SSH2: variants seen among roughly 807,000 people sequenced by gnomAD.
SSH2 encodes slingshot protein phosphatase 2.
A neutral mutation model predicts 135.2 loss-of-function variants in SSH2; 37 were observed. The ratio of observed to expected loss-of-function variants is 0.27; its 90% CI spans 0.21 to 0.36. The LOEUF (loss-of-function observed/expected upper bound fraction) is 0.36, where lower values mean the gene tolerates loss of function less well. Among genes scored for constraint, SSH2 ranks in the 10% least tolerant of loss-of-function variants. The probability of loss-of-function intolerance (pLI) is 1.00; values close to 1 mark genes in which losing one functional copy is unlikely to be tolerated. For missense variants in SSH2, 1,408 were observed against 1,765.3 expected (o/e 0.80, Z 3.63); for synonymous variants, 628 against 646.2 (o/e 0.97, Z 0.43).
At chr17:29,660,718 G>C (rs73280632) in intron 11 of SSH2, among the ~76,000 whole-genome samples, 2,243 of 152,066 alleles carry the variant, frequency 0.015, 59 homozygotes, top group African/African-American at 0.05. Flanking sequence ...TGCAGACTCT[G>C]TCCTTTCTCC....
chr17:29,806,962 C>T (rs145910485), intron 2 of SSH2, among the ~76,000 whole-genome samples: 35 of 152,298 alleles, frequency 2.3e-4, no homozygotes, highest in African/African-American at 8.2e-4. Flanking sequence ...CACGCTTCCA[C>T]AAGAAACTTA....
chr17:29,811,142 C>T (rs1248573865), intron 2 of SSH2, among the ~76,000 whole-genome samples: 2 of 151,934 alleles, frequency 1.3e-5, no homozygotes, highest in Non-Finnish European at 1.5e-5. Flanking sequence ...ACTACAGGTG[C>T]GCACCACCAC....
chr17:29,782,914 T>A (rs1351744009), intron 3 of SSH2, among the ~76,000 whole-genome samples: 1 of 152,100 alleles, frequency 6.6e-6, no homozygotes, highest in Non-Finnish European at 1.5e-5. Flanking sequence ...AGAGACAGGG[T>A]TTCACCATGT....
intron 2 of SSH2, among the ~76,000 whole-genome samples, chr17:29,828,340 T>G (rs1453481599): frequency 6.6e-6 from 1 of 152,234 alleles, no homozygotes; most frequent in Admixed American, 6.5e-5. Context: ...AAAGACTTTC[T>G]CAGCAGGGTC....
Position 29,631,825 on chromosome 17 carries a change from G to A in SSH2, c.3369C>T (p.Ile1123=), listed in dbSNP as rs976371104. Residue 1123 remains isoleucine, a synonymous_variant, in exon 16 of 16, where the codon ATC becomes ATT. Coordinates refer to ENST00000540801, the MANE Select transcript of SSH2 (RefSeq NM_001282129.2). The stretch of plus-strand genomic sequence containing the variant: ...TGCCTCTGTCTTCAGGGCTACTCAG[G>A]ATGGAGGTTGGATGGTCAGTGGGTC... ...HNRPTDHPTS[I]LSSPEDRGSS... is the part of the protein sequence containing the mutation. 6.2e-7 allele frequency: 1 copy of A among 1,614,240 alleles called. No homozygotes were observed. Among genetic ancestry groups the A allele is most frequent in the Non-Finnish European group, 8.5e-7 (1 of 1,180,056 alleles).
intron 3 of SSH2, among the ~76,000 whole-genome samples, chr17:29,770,432 CCTT>C (rs1302469652): frequency 6.6e-6 from 1 of 150,958 alleles, no homozygotes; most frequent in Non-Finnish European, 1.5e-5. Context: ...TCTATCCTGT[CCTT>C]CTATATTCAA....
At chr17:29,892,827 C>G (rs1484428744) in intron 1 of SSH2, among the ~76,000 whole-genome samples, 2 of 151,832 alleles carry the variant, frequency 1.3e-5, no homozygotes, top group Non-Finnish European at 2.9e-5. Context: ...GAATCATTCC[C>G]TCTTCCCTAC....
intron 2 of SSH2, among the ~76,000 whole-genome samples, chr17:29,815,072 C>T (rs1043560776): frequency 6.6e-6 from 1 of 150,858 alleles, no homozygotes; most frequent in African/African-American, 2.4e-5. Context: ...CTTCGGCTAC[C>T]CAAGTAGCTG....
intron 2 of SSH2, among the ~76,000 whole-genome samples, chr17:29,847,369 A>AGCAGAGG (rs1162133876): frequency 6.6e-5 from 10 of 152,348 alleles, no homozygotes; most frequent in Admixed American, 6.5e-4. Context: ...TGAAAGGTGA[A>AGCAGAGG]GCAGAGGGCA....
intron 2 of SSH2, among the ~76,000 whole-genome samples, chr17:29,808,242 C>A (rs1339517810): frequency 6.6e-6 from 1 of 152,216 alleles, no homozygotes; most frequent in African/African-American, 2.4e-5. Context: ...AATTCTCCTG[C>A]CTCAGCCTTC....
rs151144831 is a variant in SSH2, at chr17:29,681,724, C to T, written c.479+2839G>A. Among the ~76,000 whole-genome samples the T allele has an allele frequency of 6.8e-3, 1,031 of 152,246 alleles. 6 individuals carry two copies. The highest frequency in any genetic ancestry group is 0.011 in the Non-Finnish European group (772 of 68,006). On this transcript the variant is annotated intron_variant, in intron 6 of 15. Coordinates refer to ENST00000540801, the MANE Select transcript of SSH2 (RefSeq NM_001282129.2). ...AATGGGCTAAATGAATTGGCTGCAA[C>T]GTATTATTAAGAACTATTTGTACTT...
chr17:29,635,237 G>A (rs948870596), intron 15 of SSH2, among the ~76,000 whole-genome samples: 2 of 152,094 alleles, frequency 1.3e-5, no homozygotes, highest in Admixed American at 6.5e-5. Context: ...AGCATGGGAA[G>A]CAGTTGCTAC....
At chr17:29,866,715 G>A (rs1415835729) in intron 1 of SSH2, among the ~76,000 whole-genome samples, 3 of 152,190 alleles carry the variant, frequency 2.0e-5, no homozygotes, top group African/African-American at 7.2e-5. Flanking sequence ...GAAATTCATA[G>A]AGAGGCTGGT....
At chr17:29,635,034 C>G (rs1265832480) in intron 15 of SSH2, among the ~76,000 whole-genome samples, 1 of 152,034 alleles carries the variant, frequency 6.6e-6, no homozygotes, top group Non-Finnish European at 1.5e-5. Flanking sequence ...TCCTGAGTAG[C>G]TGGGATTATA....
At chr17:29,725,347 C>CAA (rs11449000) in intron 3 of SSH2, among the ~76,000 whole-genome samples, 3,310 of 50,918 alleles carry the variant, frequency 0.065, 265 homozygotes, top group African/African-American at 0.15. Context: ...AATCAGTCTC[C>CAA]AAAAAAAAAA....
rs539120522 is a variant in SSH2 at position 29,739,923 on chromosome 17, C to T, written c.189-36861G>A. ...CTTTAAAAAAGTTTTCTTTTCTGCT[C>T]CTGCTGACTGCAGAAACAGCTAGTG... On this transcript the variant is annotated intron_variant, in intron 3 of 15. Transcript: ENST00000540801. Among the ~76,000 whole-genome samples the T allele has an allele frequency of 5.3e-5, 8 of 152,288 alleles. No individual in the cohort carries two copies. The East Asian group carries it at 5.8e-4, about 11-fold the overall frequency.
In SSH2 at chr17:29,666,974, G is replaced by T; in HGVS notation, c.925C>A (p.Gln309Lys). Residue 309 changes from glutamine (Q) to lysine (K), a missense_variant, in exon 11 of 16, where the codon CAA becomes AAA. Gln to Lys is a moderately conservative substitution (Grantham distance 53). Transcript: ENST00000540801. ...SKEIRTELEMQMVCNLREFKE... is the reference protein window; with the variant it reads ...SKEIRTELEMKMVCNLREFKE... ...AATTCCCGCAAGTTGCACACCATTT[G>T]CATTTCCAACTCTGTTCTTATCTGA... is the stretch of plus-strand genomic sequence containing the variant. 6.2e-7 allele frequency: 1 copy of T among 1,614,024 alleles called. No homozygotes were observed.
intron 12 of SSH2, among the ~76,000 whole-genome samples, chr17:29,654,962 A>G (rs2036722922): frequency 6.6e-6 from 1 of 152,202 alleles, no homozygotes. Flanking sequence ...TACATATGCA[A>G]TTCTATGTAT....
At chr17:29,664,959 C>T (rs553106980) in intron 11 of SSH2, among the ~76,000 whole-genome samples, 21 of 152,168 alleles carry the variant, frequency 1.4e-4, no homozygotes, top group African/African-American at 5.1e-4. Flanking sequence ...TCATATTTAT[C>T]ATGTCTATAT....
Sources: allele counts gnomAD v4.1 joint callset (sites outside exome capture counted in the v4.1 genomes callset), GRCh38; gene constraint gnomAD v4.1.1; transcripts MANE v1.5; gene names NCBI Gene and HGNC (gene_info 2026-07-23, HGNC 2026-07-21).